GKN1: variants seen among roughly 807,000 people sequenced by gnomAD.
GKN1 encodes gastrokine-1.
GKN1 carries 17 observed loss-of-function variants against 19.7 expected under a neutral mutation model. The ratio of observed to expected loss-of-function variants is 0.86; its 90% CI spans 0.59 to 1.29. GKN1 has a LOEUF of 1.29. Ranked by LOEUF, GKN1 falls within the 50% of genes most tolerant of loss-of-function variation. GKN1 has a pLI of 0.00. For missense variants in GKN1, 218 were observed against 224.5 expected (o/e 0.97, Z 0.19); for synonymous variants, 96 against 78.3 (o/e 1.23, Z -1.20).
intron 5 of GKN1, 89 bp downstream of exon 5, chr2:68,980,149 T>C (rs1458769324): frequency 2.6e-6 from 3 of 1,139,624 alleles, no homozygotes; most frequent in Non-Finnish European, 2.7e-6. Context: ...GCACCAGTGA[T>C]GCAGGGATGG....
At chr2:68,976,529 G>A (rs1670264853) in intron 1 of GKN1, among the ~76,000 whole-genome samples, 1 of 152,112 alleles carries the variant, frequency 6.6e-6, no homozygotes, top group African/African-American at 2.4e-5. Flanking sequence ...AACAACCTGT[G>A]TAACATAAGC....
chr2:68,978,476 A>G (rs1455789111), intron 3 of GKN1, among the ~76,000 whole-genome samples: 1 of 152,146 alleles, frequency 6.6e-6, no homozygotes, highest in Non-Finnish European at 1.5e-5. Context: ...TTAAATAGCA[A>G]ACTCTTTATT....
chr2:68,977,795 T>C (rs1228851649), intron 3 of GKN1, 21 bp downstream of exon 3: 4 of 1,572,414 alleles, frequency 2.5e-6, no homozygotes, highest in Non-Finnish European at 3.5e-6. Flanking sequence ...AACGTGCAAT[T>C]TTCACTTTAT....
At chr2:68,978,740 C>T in intron 3 of GKN1, 131 bp from the exon 4 acceptor site, 1 of 588,328 alleles carries the variant, frequency 1.7e-6, no homozygotes, top group East Asian at 2.9e-5. Flanking sequence ...AAGCAGTGCC[C>T]CATCCAGTGC....
At position 68,980,126 on chromosome 2, in the gene GKN1, G is replaced by A. The variant is rs80093641; in HGVS notation, c.463+66G>A. 15,214 of 1,390,138 alleles carry A rather than the reference G, an allele frequency of 0.011. 492 individuals carry two copies. The East Asian group carries it at 0.12, about 11-fold the overall frequency. The allele number at this position is 1,390,138 out of a possible 1,614,324, so 86.1% of individuals were successfully genotyped here. On this transcript the variant is annotated intron_variant, in intron 5 of 5. Transcript: ENST00000377938. ...TGGGATTGTCAGACTATCCTCGCGC[G>A]TGTCCATAGTGGGCACCAGTGATGC...
chr2:68,976,807 C>T (rs1266217960), intron 1 of GKN1, among the ~76,000 whole-genome samples: 1 of 152,062 alleles, frequency 6.6e-6, no homozygotes, highest in African/African-American at 2.4e-5. Flanking sequence ...TAAAAATAAT[C>T]ATTTATAGCA....
At chr2:68,975,537 T>C (rs1446568604) in intron 1 of GKN1, among the ~76,000 whole-genome samples, 2 of 152,168 alleles carry the variant, frequency 1.3e-5, no homozygotes, top group Non-Finnish European at 2.9e-5. Flanking sequence ...ACTATTTTCA[T>C]GTTTCAACAT....
At position 68,980,799 on chromosome 2, in the gene GKN1, C is replaced by T. The variant is rs145631217; in HGVS notation, c.534C>T (p.Phe178=). 346 of 1,574,730 alleles carry T rather than the reference C, an allele frequency of 2.2e-4. No individual in the cohort carries two copies. The highest frequency in any genetic ancestry group is 2.9e-4 in the Non-Finnish European group (327 of 1,144,206). The change falls in exon 6 of 6, where the codon TTC becomes TTT. Residue 178 remains phenylalanine (F), a synonymous_variant. Transcript: ENST00000377938. ...TSVLWIVDIS[F]CGDTVEN is the part of the protein sequence containing the mutation. ...TACTATGGATTGTGGACATTTCCTT[C>T]TGTGGAGACACGGTGGAGAACTAAA...
chr2:68,974,783 T>G (rs1670227354), intron 1 of GKN1, 94 bp downstream of exon 1: 2 of 851,104 alleles, frequency 2.3e-6, no homozygotes, highest in Non-Finnish European at 2.0e-6. Flanking sequence ...GGCCCCATCA[T>G]GGAAAATTTG....
At position 68,980,940 on chromosome 2, in the gene GKN1, AT is replaced by A. The variant is rs1670349661; in HGVS notation, c.*120del. 1 of 646,878 alleles carries A rather than the reference AT, an allele frequency of 1.5e-6. No homozygotes were observed. The highest frequency in any genetic ancestry group is 2.8e-6 in the Non-Finnish European group (1 of 361,408). 40.1% of individuals were successfully genotyped at this position (646,878 alleles called of 1,614,324 possible). A position where few individuals can be genotyped will look rare whatever the true frequency, so the allele number is the denominator to read the frequency against. ...AATTTTTCTCTACTAGTTATGTTTG[AT>A]TTCTTTAAGTTTCAATAAAATCATT... On this transcript the variant is annotated 3_prime_UTR_variant, in exon 6 of 6. Transcript: ENST00000377938.
rs113734019 is a variant in GKN1, at chr2:68,974,948, A to G, written c.12+259A>G. 7.9e-3 allele frequency among the ~76,000 whole-genome samples: 1,202 copies of G among 152,202 alleles called. 12 individuals carry two copies. Among genetic ancestry groups the G allele is most frequent in the African/African-American group, 0.027 (1,122 of 41,522 alleles). On this transcript the variant is annotated intron_variant, in intron 1 of 5. Transcript: ENST00000377938. ...TGGCACACATATACCTATGTAACAA[A>G]CCTGCACGTTCTGCACATGTATCCC... is the stretch of plus-strand genomic sequence containing the variant.
chr2:68,978,884 C>T lies in GKN1; in HGVS notation c.218C>T (p.Thr73Ile). The T allele has an allele frequency of 6.2e-7, 1 of 1,604,052 alleles. No homozygotes were observed. Among genetic ancestry groups the T allele is most frequent in the Non-Finnish European group, 8.5e-7 (1 of 1,171,958 alleles). Reference protein sequence around the residue: ...IWDYGNGFAATRLFQKKTCIV... With the variant: ...IWDYGNGFAAIRLFQKKTCIV... The stretch of plus-strand genomic sequence containing the variant: ...CTACTTTAACAGGGCTTTGCTGCAA[C>T]CAGACTCTTTCAAAAGAAGACATGC... The change falls in exon 4 of 6, where the codon ACC becomes ATC. Residue 73 changes from threonine to isoleucine, a missense_variant. Thr to Ile is a moderately conservative substitution (Grantham distance 89). Transcript: ENST00000377938.
chr2:68,980,233 C>T (rs561388205), intron 5 of GKN1, among the ~76,000 whole-genome samples, 173 bp downstream of exon 5: 1 of 151,950 alleles, frequency 6.6e-6, no homozygotes, highest in South Asian at 2.1e-4. Context: ...TGTGTTAACT[C>T]GGTTCTTCAC....
chr2:68,975,565 G>A (rs534857058), intron 1 of GKN1, among the ~76,000 whole-genome samples: 176 of 152,232 alleles, frequency 1.2e-3, no homozygotes, highest in African/African-American at 3.9e-3. Flanking sequence ...ACTGGAAAAC[G>A]TTACGGCAGA....
chr2:68,978,748 T>G, intron 3 of GKN1, 123 bp from the exon 4 acceptor site: 2 of 601,890 alleles, frequency 3.3e-6, no homozygotes, highest in Middle Eastern at 5.2e-4. Context: ...CCCCATCCAG[T>G]GCTCTTATCC....
At position 68,977,547 on chromosome 2, in the gene GKN1, A is replaced by G; in HGVS notation, c.65A>G (p.Tyr22Cys). The G allele has an allele frequency of 1.2e-6, 2 of 1,608,366 alleles. No homozygotes were observed. Among genetic ancestry groups the G allele is most frequent in the Non-Finnish European group, 1.7e-6 (2 of 1,174,922 alleles). Residue 22 changes from tyrosine (Y) to cysteine (C), a missense_variant and splice_region_variant, in exon 2 of 6, where the codon TAT becomes TGT. Physicochemically the swap from Tyr to Cys is radical, Grantham distance 194. Coordinates refer to ENST00000377938, the MANE Select transcript of GKN1 (RefSeq NM_019617.4). ...TTTCTAGCTCCTGCCCTAGCTAACT[A>G]TGTAAGTCTCACCTTTTCAAGTTTG... is the stretch of plus-strand genomic sequence containing the variant. ...GVFLAPALAN[Y>C]NINVNDDNNN...
intron 1 of GKN1, among the ~76,000 whole-genome samples, chr2:68,976,501 G>A (rs113592527): frequency 3.9e-5 from 6 of 152,266 alleles, no homozygotes; most frequent in African/African-American, 1.4e-4. Context: ...AGAAACAAGT[G>A]AGTGAGAGGT....
chr2:68,979,855 T>G, intron 4 of GKN1, 58 bp from the exon 5 acceptor site: 1 of 1,472,336 alleles, frequency 6.8e-7, no homozygotes, highest in Non-Finnish European at 9.5e-7. Flanking sequence ...AACAAACCAC[T>G]GGGCTTGGCA....
chr2:68,974,862 G>T (rs766451139), intron 1 of GKN1, among the ~76,000 whole-genome samples, 173 bp downstream of exon 1: 4 of 152,078 alleles, frequency 2.6e-5, no homozygotes, highest in South Asian at 2.1e-4. Context: ...GGTCCTGTTG[G>T]GGGGTGGAGA....
Sources: allele counts gnomAD v4.1 joint callset (sites outside exome capture counted in the v4.1 genomes callset), GRCh38; gene constraint gnomAD v4.1.1; transcripts MANE v1.5; gene names NCBI Gene and HGNC (gene_info 2026-07-23, HGNC 2026-07-21).